The following GLRA2 variants were observed in gnomAD, a reference collection of about 807,000 sequenced individuals.
GLRA2 encodes the protein glycine receptor subunit alpha-2.
A neutral mutation model predicts 31.6 loss-of-function variants in GLRA2; 11 were observed. The observed-to-expected ratio is 0.35, with a 90% CI of 0.22 to 0.58. The LOEUF is 0.58. Ranked by LOEUF, GLRA2 falls within the 20% of genes least tolerant of loss-of-function variation. The pLI is 0.84. For synonymous variants in GLRA2, 132 were observed against 134.0 expected (o/e 0.99, Z 0.10); for missense variants, 212 against 351.8 (o/e 0.60, Z 3.18).
At position 14,580,371 on chromosome X, in the gene GLRA2, C is replaced by T. The variant is rs751500773; in HGVS notation, c.271-812C>T. 1.3e-3 allele frequency among the ~76,000 whole-genome samples: 145 copies of T among 112,203 alleles called. 1 individual carries two copies. Among genetic ancestry groups the T allele is most frequent in the African/African-American group, 4.6e-3 (143 of 30,937 alleles). The stretch of plus-strand genomic sequence containing the variant: ...TAGGGAATACTGTTGAAGCCTCAAT[C>T]GGAGTCCAGATTATCAAGTGAAGTA... On this transcript the variant is annotated intron_variant, in intron 3 of 8. Transcript: ENST00000218075.
intron 7 of GLRA2, among the ~76,000 whole-genome samples, chrX:14,640,960 T>G (rs1193031946): frequency 9.0e-6 from 1 of 110,930 alleles, no homozygotes; most frequent in Non-Finnish European, 1.9e-5. Flanking sequence ...TCCCAAGTGG[T>G]TGACACAATT....
In GLRA2 at chrX:14,559,561, C is replaced by T. The variant is rs754651286; in HGVS notation, c.203-14772C>T. Among the ~76,000 whole-genome samples, 4 of 105,595 alleles carry T rather than the reference C, an allele frequency of 3.8e-5. No individual in the cohort carries two copies. In the South Asian group the frequency reaches 1.3e-3, roughly 35 times the overall value. The allele number at this position is 105,595 out of a possible 115,157, so 91.7% of individuals were successfully genotyped here. ...CCTCCCGAGTAGCTGGGACTACAGG[C>T]GCCCGCCACCACGCCTGGCTAATGT... On this transcript the variant is annotated intron_variant, in intron 2 of 8. Coordinates refer to ENST00000218075, the MANE Select transcript of GLRA2 (RefSeq NM_002063.4).
chrX:14,494,408 CT>C, the GLRA2 span, among the ~76,000 whole-genome samples: 1 of 111,874 alleles, frequency 8.9e-6, no homozygotes, highest in Non-Finnish European at 1.9e-5. Context: ...GATTTTCTGC[CT>C]CAAAAATAAT....
At chrX:14,709,191 G>A (rs1416435371) in intron 8 of GLRA2, among the ~76,000 whole-genome samples, 1 of 110,861 alleles carries the variant, frequency 9.0e-6, no homozygotes, top group Non-Finnish European at 1.9e-5. Flanking sequence ...CTATGATCAC[G>A]GCACTGCACT....
the GLRA2 span, among the ~76,000 whole-genome samples, chrX:14,518,847 GAAAAAA>G: frequency 1.1e-5 from 1 of 91,898 alleles, no homozygotes; most frequent in Admixed American, 1.2e-4. Context: ...CGTCTCTACT[GAAAAAA>G]AAAAAAAAAT....
At chrX:14,500,115 T>C in the GLRA2 span, among the ~76,000 whole-genome samples, 1 of 112,278 alleles carries the variant, frequency 8.9e-6, no homozygotes, top group African/African-American at 3.2e-5. Flanking sequence ...TTACACAAAA[T>C]ATTTTTATCC....
At chrX:14,454,178 ACC>A in the GLRA2 span, among the ~76,000 whole-genome samples, 1 of 4,710 alleles carries the variant, frequency 2.1e-4, no homozygotes, top group East Asian at 5.2e-3. Context: ...ACACACCCAC[ACC>A]CACACACCCA....
intron 7 of GLRA2, among the ~76,000 whole-genome samples, chrX:14,670,758 T>C (rs935991672): frequency 8.9e-6 from 1 of 111,872 alleles, no homozygotes; most frequent in East Asian, 2.8e-4. Flanking sequence ...AGCCAAACCA[T>C]ATCACTGTTA....
the GLRA2 span, among the ~76,000 whole-genome samples, chrX:14,508,101 T>C: frequency 8.9e-6 from 1 of 111,975 alleles, no homozygotes; most frequent in Admixed American, 9.4e-5. Context: ...GAAGGACCTC[T>C]TTCTCTTTTT....
At chrX:14,628,815 C>T (rs2090615550) in intron 7 of GLRA2, among the ~76,000 whole-genome samples, 1 of 111,370 alleles carries the variant, frequency 9.0e-6, no homozygotes, top group Non-Finnish European at 1.9e-5. Flanking sequence ...CACACAGGAC[C>T]TCATGGGCCC....
At chrX:14,471,068 AC>A in the GLRA2 span, among the ~76,000 whole-genome samples, 25 of 110,749 alleles carry the variant, frequency 2.3e-4, no homozygotes, top group Non-Finnish European at 4.2e-4. Context: ...ATCAGCTGAG[AC>A]CCCCCCAAAT....
At chrX:14,600,359 T>G (rs2090255060) in intron 4 of GLRA2, among the ~76,000 whole-genome samples, 2 of 111,566 alleles carry the variant, frequency 1.8e-5, no homozygotes, top group African/African-American at 3.3e-5. Context: ...GTGACATTCT[T>G]AAAAGAACAT....
At chrX:14,538,055 G>C (rs1372773565) in intron 2 of GLRA2, among the ~76,000 whole-genome samples, 1 of 108,826 alleles carries the variant, frequency 9.2e-6, no homozygotes, top group African/African-American at 3.3e-5. Flanking sequence ...TCAGGGATTT[G>C]AAGTGGCATC....
intron 2 of GLRA2, among the ~76,000 whole-genome samples, chrX:14,540,615 C>A (rs1451253031): frequency 4.5e-5 from 5 of 110,929 alleles, no homozygotes; most frequent in Non-Finnish European, 9.5e-5. Flanking sequence ...AGCAAACTCA[C>A]CCCTTACCAT....
chrX:14,463,272 T>G, the GLRA2 span, among the ~76,000 whole-genome samples: 1 of 111,379 alleles, frequency 9.0e-6, no homozygotes, highest in African/African-American at 3.3e-5. Flanking sequence ...CGGCACCTAC[T>G]GGGGGGTGTC....
intron 2 of GLRA2, among the ~76,000 whole-genome samples, chrX:14,553,411 A>T (rs1024665162): frequency 9.0e-6 from 1 of 111,610 alleles, no homozygotes; most frequent in Admixed American, 9.5e-5. Flanking sequence ...TCTTTTTCTC[A>T]TGCACAATTT....
At chrX:14,538,970 G>A (rs912504649) in intron 2 of GLRA2, among the ~76,000 whole-genome samples, 2 of 110,962 alleles carry the variant, frequency 1.8e-5, no homozygotes, top group African/African-American at 3.3e-5. Flanking sequence ...GATTCTGGGC[G>A]ACCCCATATC....
intron 8 of GLRA2, among the ~76,000 whole-genome samples, chrX:14,695,942 T>C (rs2091438862): frequency 9.0e-6 from 1 of 110,577 alleles, no homozygotes; most frequent in East Asian, 2.8e-4. Context: ...ATGAGAACTG[T>C]GGTTATGACT....
chrX:14,568,428 C>T (rs757079315), intron 2 of GLRA2, among the ~76,000 whole-genome samples: 7 of 111,648 alleles, frequency 6.3e-5, no homozygotes, highest in Non-Finnish European at 1.1e-4. Context: ...CATGGTGGCT[C>T]ATGCCTGTAA....
Sources: gnomAD v4.1 joint callset for allele counts (sites outside exome capture counted in the v4.1 genomes callset) on GRCh38, gnomAD v4.1.1 for gene constraint, MANE v1.5 for transcripts, NCBI Gene and HGNC (gene_info 2026-07-23, HGNC 2026-07-21) for gene names.